The following PDE1A variants were observed in gnomAD, a reference collection of about 807,000 sequenced individuals.
The protein encoded by PDE1A is phosphodiesterase 1A.
In PDE1A, 35 loss-of-function variants were observed where a neutral mutation model predicts 61.7. That is an observed-to-expected ratio of 0.57 (90% CI 0.43 to 0.75). The LOEUF (loss-of-function observed/expected upper bound fraction) is 0.75. Among genes scored for constraint, PDE1A ranks in the 30% least tolerant of loss-of-function variants. PDE1A has a pLI of 0.00. For synonymous variants in PDE1A, 232 were observed against 213.2 expected, an observed-to-expected ratio of 1.09 and a Z score of -0.77; for missense variants, 597 against 630.6, an observed-to-expected ratio of 0.95 and a Z score of 0.57.
chr2:182,607,812 C>G, the PDE1A span, among the ~76,000 whole-genome samples: 4 of 152,138 alleles, frequency 2.6e-5, no homozygotes, highest in South Asian at 2.1e-4. Flanking sequence ...ACCTTGGGAA[C>G]GGCACCTGTG....
At chr2:182,502,313 C>CGTGTGTGT (rs35441240) in intron 2 of PDE1A, among the ~76,000 whole-genome samples, 13 of 150,212 alleles carry the variant, frequency 8.7e-5, no homozygotes, top group African/African-American at 2.7e-4. Context: ...TACTCTCTTT[C>CGTGTGTGT]GTGTGTGTGT....
chr2:182,237,321 G>A (rs1690100708), intron 3 of PDE1A, among the ~76,000 whole-genome samples: 1 of 152,074 alleles, frequency 6.6e-6, no homozygotes, highest in African/African-American at 2.4e-5. Flanking sequence ...GGGAAACCCT[G>A]TCTCTACTAA....
At chr2:182,179,797 A>G (rs1159213627) in intron 13 of PDE1A, among the ~76,000 whole-genome samples, 1 of 152,180 alleles carries the variant, frequency 6.6e-6, no homozygotes, top group Non-Finnish European at 1.5e-5. Flanking sequence ...TACATCAGCA[A>G]TGGAAACAAA....
intron 11 of PDE1A, 126 bp from the exon 12 acceptor site, chr2:182,186,714 G>A (rs1053405118): frequency 7.1e-6 from 6 of 847,530 alleles, no homozygotes; most frequent in Admixed American, 2.8e-5. Context: ...TAAAATATTG[G>A]TTCTGCTTAC....
intron 1 of PDE1A, among the ~76,000 whole-genome samples, chr2:182,337,702 G>T (rs903443948): frequency 7.2e-5 from 11 of 152,040 alleles, no homozygotes; most frequent in African/African-American, 1.4e-4. Flanking sequence ...GATCTAAAAA[G>T]GTCGCCTATT....
At chr2:182,426,664 CACTCCAGAA>C in exon 1 of PDE1A, 1 of 1,612,184 alleles carries the variant, frequency 6.2e-7, no homozygotes. Flanking sequence ...TCCTGGAAAC[CACTCCAGAA>C]ACTCCAGAGA....
In PDE1A at chr2:182,342,507, C is replaced by T. The variant is rs1344340378; in HGVS notation, c.54-78093G>A. On this transcript the variant is annotated intron_variant, in intron 1 of 13. Transcript: ENST00000351439. Reference sequence around the variant, plus strand: ...GACCATCCTGGCTAACACGGTGAAACCTCATCTCTACTAAAAATACAAAAA... The same window carrying T: ...GACCATCCTGGCTAACACGGTGAAATCTCATCTCTACTAAAAATACAAAAA... Among the ~76,000 whole-genome samples, 4 of 152,104 alleles carry T rather than the reference C, an allele frequency of 2.6e-5. No homozygotes were observed. In the East Asian group the frequency reaches 7.7e-4, roughly 29 times the overall value.
chr2:182,246,548 C>A (rs995294407), intron 2 of PDE1A, among the ~76,000 whole-genome samples: 27 of 151,718 alleles, frequency 1.8e-4, no homozygotes, highest in African/African-American at 6.3e-4. Context: ...GGATTACAGG[C>A]GTGCCACCAC....
At chr2:182,178,433 A>G (rs932728023) in intron 13 of PDE1A, among the ~76,000 whole-genome samples, 1 of 152,092 alleles carries the variant, frequency 6.6e-6, no homozygotes, top group African/African-American at 2.4e-5. Flanking sequence ...ACCAAAAGTA[A>G]GGTGTAAGGG....
At chr2:182,568,095 G>A in the PDE1A span, among the ~76,000 whole-genome samples, 328 of 151,984 alleles carry the variant, frequency 2.2e-3, 2 homozygotes, top group East Asian at 7.0e-3. Context: ...CACTGCGCCC[G>A]CGCCCGGCAA....
intron 1 of PDE1A, among the ~76,000 whole-genome samples, chr2:182,359,396 G>A (rs1417363458): frequency 6.6e-6 from 1 of 152,060 alleles, no homozygotes. Flanking sequence ...AGGTTTTATT[G>A]AGCGACTTTA....
intron 13 of PDE1A, among the ~76,000 whole-genome samples, chr2:182,149,854 T>G (rs1477083165): frequency 6.6e-6 from 1 of 152,148 alleles, no homozygotes; most frequent in Non-Finnish European, 1.5e-5. Context: ...AGATCCCTCT[T>G]GTAGTCTGGT....
the PDE1A span, among the ~76,000 whole-genome samples, chr2:182,572,625 G>GT: frequency 6.6e-6 from 1 of 152,128 alleles, no homozygotes; most frequent in Non-Finnish European, 1.5e-5. Context: ...GCTCACGCGA[G>GT]TAATTCCAGC....
chr2:182,488,835 G>C (rs1440854414), intron 2 of PDE1A, among the ~76,000 whole-genome samples: 1 of 152,180 alleles, frequency 6.6e-6, no homozygotes, highest in Non-Finnish European at 1.5e-5. Flanking sequence ...ATGTATAGAT[G>C]CTATTTGTCC....
the PDE1A span, among the ~76,000 whole-genome samples, chr2:182,665,973 A>C: frequency 6.6e-6 from 1 of 152,176 alleles, no homozygotes; most frequent in Non-Finnish European, 1.5e-5. Context: ...GGAACAGAAA[A>C]GGAAACACCC....
At chr2:182,234,662 A>G (rs1274460902) in intron 3 of PDE1A, among the ~76,000 whole-genome samples, 164 bp from the exon 4 acceptor site, 2 of 152,206 alleles carry the variant, frequency 1.3e-5, no homozygotes. Flanking sequence ...CCTTTTTACT[A>G]AACATCTACA....
chr2:182,500,358 TG>T (rs1387484520), intron 2 of PDE1A, among the ~76,000 whole-genome samples: 1 of 152,124 alleles, frequency 6.6e-6, no homozygotes, highest in Non-Finnish European at 1.5e-5. Flanking sequence ...GGTCTAAAAA[TG>T]CTCAACTTTC....
chr2:182,395,780 C>G (rs2125414854), intron 1 of PDE1A, among the ~76,000 whole-genome samples: 1 of 152,294 alleles, frequency 6.6e-6, no homozygotes, highest in African/African-American at 2.4e-5. Context: ...AGGTGAATCA[C>G]AGCAGAGGCC....
chr2:182,694,433 T>C, the PDE1A span, among the ~76,000 whole-genome samples: 2 of 152,316 alleles, frequency 1.3e-5, no homozygotes, highest in Non-Finnish European at 2.9e-5. Context: ...TGAGAAACAC[T>C]GAGCATCGGG....
Sources: allele counts gnomAD v4.1 joint callset (sites outside exome capture counted in the v4.1 genomes callset), GRCh38; gene constraint gnomAD v4.1.1; transcripts MANE v1.5; gene names NCBI Gene and HGNC (gene_info 2026-07-23, HGNC 2026-07-21).